Variants in HMGN5 observed in about 807,000 individuals in gnomAD.
The protein encoded by HMGN5 is high mobility group nucleosome-binding domain-containing protein 5.
In HMGN5, 4 loss-of-function variants were observed where a neutral mutation model predicts 9.5. That is an observed-to-expected ratio of 0.42 (90% confidence interval 0.21 to 0.96). HMGN5 has a LOEUF of 0.96. Ranked by LOEUF, HMGN5 falls within the 40% of genes least tolerant of loss-of-function variation. The pLI, the probability that HMGN5 is intolerant of heterozygous loss-of-function variation, is 0.30. For synonymous variants in HMGN5, 55 were observed against 57.1 expected, an observed-to-expected ratio of 0.96 and a Z score of 0.16; for missense variants, 192 against 187.5, an observed-to-expected ratio of 1.02 and a Z score of -0.14.
At chrX:81,121,468 A>C in intron 2 of HMGN5, 67 bp downstream of exon 2, 4 of 1,069,855 alleles carry the variant, frequency 3.7e-6, no homozygotes, top group Non-Finnish European at 5.2e-6. Flanking sequence ...CAAACAAATA[A>C]ATTCTTCCTA....
intron 1 of HMGN5, among the ~76,000 whole-genome samples, chrX:81,193,070 C>T (rs2075498446): frequency 9.0e-6 from 1 of 111,542 alleles, no homozygotes; most frequent in Non-Finnish European, 1.9e-5. Context: ...ATAACTTTTG[C>T]TTTTGGAGCC....
intron 1 of HMGN5, among the ~76,000 whole-genome samples, chrX:81,157,163 A>G (rs1397058858): frequency 9.0e-6 from 1 of 111,605 alleles, no homozygotes; most frequent in Non-Finnish European, 1.9e-5. Context: ...GTGTGGGTAT[A>G]TGGGCAGCCA....
chrX:81,173,853 T>G (rs1244172110), intron 1 of HMGN5, among the ~76,000 whole-genome samples: 1 of 111,715 alleles, frequency 9.0e-6, no homozygotes, highest in Non-Finnish European at 1.9e-5. Flanking sequence ...CCACCTTATC[T>G]TAGTGAATCT....
At chrX:81,124,024 G>C (rs989873009) in intron 1 of HMGN5, among the ~76,000 whole-genome samples, 1 of 111,992 alleles carries the variant, frequency 8.9e-6, no homozygotes, top group African/African-American at 3.2e-5. Context: ...GAGGAGCCTT[G>C]GAAGGTAAAG....
At chrX:81,172,013 G>A (rs1184474246) in intron 1 of HMGN5, among the ~76,000 whole-genome samples, 2 of 111,006 alleles carry the variant, frequency 1.8e-5, no homozygotes, top group Non-Finnish European at 3.8e-5. Context: ...CTTATGAATC[G>A]TGTCTTGATA....
At chrX:81,158,764 C>T (rs139244675) in intron 1 of HMGN5, among the ~76,000 whole-genome samples, 2,057 of 111,700 alleles carry the variant, frequency 0.018, 23 homozygotes, top group Non-Finnish European at 0.032. Flanking sequence ...AATGGTATTG[C>T]CTAGATTTTC....
intron 1 of HMGN5, among the ~76,000 whole-genome samples, chrX:81,155,075 G>GTATATATATATATATATA (rs761895749): frequency 5.8e-4 from 40 of 68,929 alleles, no homozygotes; most frequent in African/African-American, 2.0e-3. Flanking sequence ...GTATATATCA[G>GTATATATATATATATATA]TATATATATA....
At chrX:81,174,070 A>G (rs945111267) in intron 1 of HMGN5, among the ~76,000 whole-genome samples, 2 of 111,240 alleles carry the variant, frequency 1.8e-5, no homozygotes, top group African/African-American at 6.5e-5. Context: ...ATATTATCAT[A>G]TGTAAGATGA....
intron 1 of HMGN5, among the ~76,000 whole-genome samples, chrX:81,159,945 A>G (rs2075393960): frequency 8.9e-6 from 1 of 112,247 alleles, no homozygotes; most frequent in South Asian, 3.6e-4. Context: ...TGAAATGTAG[A>G]TATAATTTAT....
At chrX:81,154,028 T>C (rs2075376338) in intron 1 of HMGN5, among the ~76,000 whole-genome samples, 1 of 110,134 alleles carries the variant, frequency 9.1e-6, no homozygotes, top group African/African-American at 3.3e-5. Context: ...CTAAAATTTA[T>C]AGGGAACCAC....
chrX:81,185,856 G>A (rs1175594025), intron 1 of HMGN5, among the ~76,000 whole-genome samples: 1 of 110,825 alleles, frequency 9.0e-6, no homozygotes, highest in African/African-American at 3.3e-5. Flanking sequence ...TGCTTTTTTA[G>A]CATCAATTGA....
At chrX:81,134,690 A>G (rs2075306792) in intron 1 of HMGN5, among the ~76,000 whole-genome samples, 1 of 111,631 alleles carries the variant, frequency 9.0e-6, no homozygotes, top group South Asian at 3.7e-4. Flanking sequence ...GAAAATAAAA[A>G]TAAAGTTGAA....
At chrX:81,141,066 G>C (rs1260943925) in intron 1 of HMGN5, among the ~76,000 whole-genome samples, 1 of 111,828 alleles carries the variant, frequency 8.9e-6, no homozygotes, top group East Asian at 2.8e-4. Flanking sequence ...ACCAGGAGAG[G>C]CTCCTCTGCC....
chrX:81,136,194 C>T (rs868038281), intron 1 of HMGN5, among the ~76,000 whole-genome samples: 1 of 111,188 alleles, frequency 9.0e-6, no homozygotes, highest in Middle Eastern at 4.6e-3. Context: ...TTGCATAACC[C>T]TGTTATACTA....
intron 1 of HMGN5, among the ~76,000 whole-genome samples, chrX:81,188,583 C>T (rs1254284274): frequency 1.0e-4 from 11 of 109,849 alleles, no homozygotes; most frequent in Admixed American, 7.8e-4. Flanking sequence ...CCCATTAACT[C>T]GTCATTTACA....
intron 1 of HMGN5, among the ~76,000 whole-genome samples, chrX:81,139,830 A>G: frequency 8.9e-6 from 1 of 112,342 alleles, no homozygotes; most frequent in East Asian, 2.8e-4. Flanking sequence ...TGTGGATCCT[A>G]GTGGTCAAGA....
chrX:81,190,468 C>T (rs1198694512), intron 1 of HMGN5, among the ~76,000 whole-genome samples: 1 of 111,115 alleles, frequency 9.0e-6, no homozygotes, highest in African/African-American at 3.3e-5. Flanking sequence ...TCTCACCTCC[C>T]AACCCCTCTA....
intron 1 of HMGN5, among the ~76,000 whole-genome samples, chrX:81,169,671 T>C (rs2075420035): frequency 8.9e-6 from 1 of 111,735 alleles, no homozygotes. Flanking sequence ...AGCTCATTTA[T>C]AGAGATTCAT....
chrX:81,139,120 A>G (rs1403814524), intron 1 of HMGN5, among the ~76,000 whole-genome samples: 1 of 112,438 alleles, frequency 8.9e-6, no homozygotes. Flanking sequence ...AAACATAGAC[A>G]TATTCTAAAA....
Sources: allele counts gnomAD v4.1 joint callset (sites outside exome capture counted in the v4.1 genomes callset), GRCh38; gene constraint gnomAD v4.1.1; transcripts MANE v1.5; gene names NCBI Gene and HGNC (gene_info 2026-07-23, HGNC 2026-07-21).